The following PCGF5 variants were observed in gnomAD, a reference collection of about 807,000 sequenced individuals.
PCGF5 encodes polycomb group ring finger 5.
A neutral mutation model predicts 44.3 loss-of-function variants in PCGF5; 9 were observed. That is an observed-to-expected ratio of 0.20 (90% CI 0.12 to 0.35). The LOEUF (loss-of-function observed/expected upper bound fraction) is 0.35. Among genes scored for constraint, PCGF5 ranks in the 10% least tolerant of loss-of-function variants. The pLI is 1.00. For synonymous variants in PCGF5, 95 were observed against 102.5 expected (o/e 0.93, Z 0.44); for missense variants, 146 against 305.3 (o/e 0.48, Z 3.89).
At chr10:91,202,115 C>T (rs1289217097) in intron 1 of PCGF5, among the ~76,000 whole-genome samples, 1 of 152,104 alleles carries the variant, frequency 6.6e-6, no homozygotes, top group Non-Finnish European at 1.5e-5. Flanking sequence ...TACTCACCCC[C>T]TAGGATTATT....
Position 91,223,113 on chromosome 10 carries a change from C to T in PCGF5, c.112+130C>T, listed in dbSNP as rs187712596. On this transcript the variant is annotated intron_variant, in intron 2 of 9. Coordinates refer to ENST00000336126, the MANE Select transcript of PCGF5 (RefSeq NM_032373.5). ...ATGAGTATTCTAATAATTATTTTAA[C>T]TTTGAATTTTCAGAATATTTGTCAT... 1.1e-5 allele frequency: 7 copies of T among 660,766 alleles called. No homozygotes were observed. The East Asian group carries it at 1.7e-4, about 17-fold the overall frequency. 40.9% of individuals were successfully genotyped at this position (660,766 alleles called of 1,614,324 possible).
chr10:91,162,007 G>C (rs1049453560), upstream of PCGF5, among the ~76,000 whole-genome samples: 1 of 152,048 alleles, frequency 6.6e-6, no homozygotes, highest in African/African-American at 2.4e-5. Context: ...ACTGCACAGA[G>C]ATGGTAGGAG....
intron 6 of PCGF5, among the ~76,000 whole-genome samples, chr10:91,252,279 A>G (rs754832578): frequency 4.6e-5 from 7 of 151,720 alleles, no homozygotes; most frequent in Non-Finnish European, 7.4e-5. Flanking sequence ...ATTTTCTTTT[A>G]CTTCCTCTGT....
In PCGF5 at chr10:91,283,265, A is replaced by G. The variant is rs566787512; in HGVS notation, c.*4949A>G. On this transcript the variant is annotated 3_prime_UTR_variant, in exon 10 of 10. Transcript: ENST00000336126. Reference sequence around the variant, plus strand: ...AAAATGCTCGAGCACTTCCTTTCAGAAAGTTATAAAATTAAAAATAATTAT... The same window carrying G: ...AAAATGCTCGAGCACTTCCTTTCAGGAAGTTATAAAATTAAAAATAATTAT... 6.6e-6 allele frequency: 1 copy of G among 152,296 alleles called. No homozygotes were observed. The highest frequency in any genetic ancestry group is 1.9e-4 in the East Asian group (1 of 5,186). 9.4% of individuals were successfully genotyped at this position (152,296 alleles called of 1,614,324 possible).
chr10:91,217,628 CAA>C (rs1844568126), upstream of PCGF5, among the ~76,000 whole-genome samples: 1 of 152,200 alleles, frequency 6.6e-6, no homozygotes, highest in Non-Finnish European at 1.5e-5. Context: ...GGCCAATACT[CAA>C]ATGCAGCAGT....
Position 91,221,733 on chromosome 10 carries a change from A to G in PCGF5, c.-184+897A>G, listed in dbSNP as rs552990710. 6.3e-3 allele frequency among the ~76,000 whole-genome samples: 957 copies of G among 152,344 alleles called. 5 individuals carry two copies. The highest frequency in any genetic ancestry group is 9.6e-3 in the Non-Finnish European group (654 of 68,034). On this transcript the variant is annotated intron_variant, in intron 1 of 9. Coordinates refer to ENST00000336126, the MANE Select transcript of PCGF5 (RefSeq NM_032373.5). ...TACATATTTTACAGTTAAAAAAAAAAAAAAACCTGAGACAGGAAAGTAGCA... is the reference window on the plus strand; with the variant it reads ...TACATATTTTACAGTTAAAAAAAAAGAAAAACCTGAGACAGGAAAGTAGCA...
At chr10:91,200,329 T>C (rs950767489) in intron 1 of PCGF5, among the ~76,000 whole-genome samples, 1 of 152,204 alleles carries the variant, frequency 6.6e-6, no homozygotes. Context: ...CCAGGGTTCT[T>C]TATGCTGATT....
chr10:91,229,606 A>G (rs928158897), intron 2 of PCGF5, among the ~76,000 whole-genome samples: 2 of 152,158 alleles, frequency 1.3e-5, no homozygotes, highest in African/African-American at 2.4e-5. Context: ...TTTATTTTCT[A>G]AAAATTTTTA....
At position 91,265,841 on chromosome 10, in the gene PCGF5, C is replaced by T. The variant is rs117451660; in HGVS notation, c.663+1321C>T. 8.4e-3 allele frequency among the ~76,000 whole-genome samples: 1,286 copies of T among 152,226 alleles called. 14 individuals are homozygous for T. The highest frequency in any genetic ancestry group is 0.034 in the Middle Eastern group (10 of 294). On this transcript the variant is annotated intron_variant, in intron 8 of 9. Coordinates refer to ENST00000336126, the MANE Select transcript of PCGF5 (RefSeq NM_032373.5). ...TTAAAGCCTTCTTTGTGAGACTGAA[C>T]GCTTTCGCTAGCAGCAGGAAGAAAA...
At chr10:91,215,643 CCA>C (rs1844527107), upstream of PCGF5, among the ~76,000 whole-genome samples, 1 of 152,220 alleles carries the variant, frequency 6.6e-6, no homozygotes, top group Non-Finnish European at 1.5e-5. Context: ...CTGATACTGG[CCA>C]TGGTGAGGCT....
intron 7 of PCGF5, among the ~76,000 whole-genome samples, chr10:91,261,784 T>C (rs1845917850): frequency 6.6e-6 from 1 of 152,246 alleles, no homozygotes; most frequent in African/African-American, 2.4e-5. Flanking sequence ...ACCAATTCTT[T>C]ATAGACTTCT....
At chr10:91,189,095 T>C (rs1843981562) in intron 1 of PCGF5, among the ~76,000 whole-genome samples, 1 of 152,232 alleles carries the variant, frequency 6.6e-6, no homozygotes, top group Non-Finnish European at 1.5e-5. Flanking sequence ...TCTTGCATTC[T>C]GCCAGGGCTG....
In PCGF5 at chr10:91,169,982, G is replaced by C. The variant is rs1184476373; in HGVS notation, c.-184+6901G>C. On this transcript the variant is annotated intron_variant, in intron 1 of 9. Transcript: ENST00000614189. Reference sequence around the variant, plus strand: ...TAGACCCCAATAAATACAGTCAAGTGATCTTTGACAAAGAAGCAAAGGTAA... The same window carrying C: ...TAGACCCCAATAAATACAGTCAAGTCATCTTTGACAAAGAAGCAAAGGTAA... Among the ~76,000 whole-genome samples, 6 of 152,310 alleles carry C rather than the reference G, an allele frequency of 3.9e-5. No individual in the cohort carries two copies. In the East Asian group the frequency reaches 1.2e-3, roughly 29 times the overall value.
chr10:91,205,974 A>T (rs991990404), intron 1 of PCGF5, among the ~76,000 whole-genome samples: 1 of 152,168 alleles, frequency 6.6e-6, no homozygotes, highest in Non-Finnish European at 1.5e-5. Context: ...GTGAGCTGAG[A>T]TCACACCACT....
rs766205757 is a variant in PCGF5 at position 91,281,517 on chromosome 10, T to A, written c.*3201T>A. On this transcript the variant is annotated 3_prime_UTR_variant, in exon 10 of 10. Coordinates refer to ENST00000336126, the MANE Select transcript of PCGF5 (RefSeq NM_032373.5). ...AAAGTTTGAGTTATCTGTACCTGTC[T>A]CTTATGAATGGTTTCATATCTAAAT... is the stretch of plus-strand genomic sequence containing the variant. The A allele has an allele frequency of 1.3e-5, 2 of 152,614 alleles. No individual in the cohort carries two copies. The highest frequency in any genetic ancestry group is 2.9e-5 in the Non-Finnish European group (2 of 67,986). 9.5% of individuals were successfully genotyped at this position (152,614 alleles called of 1,614,324 possible). A position where few individuals can be genotyped will look rare whatever the true frequency, so the allele number is the denominator to read the frequency against.
chr10:91,180,103 G>T (rs780932290), intron 1 of PCGF5, among the ~76,000 whole-genome samples: 1 of 152,088 alleles, frequency 6.6e-6, no homozygotes, highest in Non-Finnish European at 1.5e-5. Flanking sequence ...GATCAGTGAT[G>T]TTGAGCTTTT....
chr10:91,228,760 C>G (rs1209401761), intron 2 of PCGF5, among the ~76,000 whole-genome samples: 1 of 152,184 alleles, frequency 6.6e-6, no homozygotes, highest in Non-Finnish European at 1.5e-5. Flanking sequence ...ACTACATACA[C>G]ATGCTACTCA....
At chr10:91,171,572 A>G (rs1049529044) in intron 1 of PCGF5, among the ~76,000 whole-genome samples, 1 of 152,134 alleles carries the variant, frequency 6.6e-6, no homozygotes, top group African/African-American at 2.4e-5. Context: ...CCAACTCCAT[A>G]TGGGCCCTTG....
At chr10:91,235,506 C>T (rs1589385527) in intron 2 of PCGF5, among the ~76,000 whole-genome samples, 1 of 151,150 alleles carries the variant, frequency 6.6e-6, no homozygotes, top group East Asian at 2.0e-4. Flanking sequence ...GAGTTTGAGA[C>T]CAGCCTGGGC....
Sources: allele counts gnomAD v4.1 joint callset (sites outside exome capture counted in the v4.1 genomes callset), GRCh38; gene constraint gnomAD v4.1.1; transcripts MANE v1.5; gene names NCBI Gene and HGNC (gene_info 2026-07-23, HGNC 2026-07-21).